The following RAD51B variants were observed in gnomAD, a reference collection of about 807,000 sequenced individuals.
RAD51B encodes the protein DNA repair protein RAD51 homolog 2.
A neutral mutation model predicts 42.2 loss-of-function variants in RAD51B; 38 were observed. That is an observed-to-expected ratio of 0.90 (90% CI 0.70 to 1.18). The LOEUF is 1.18. Among genes scored for constraint, RAD51B ranks in the 50% most tolerant of loss-of-function variants. RAD51B has a pLI of 0.00. For synonymous variants in RAD51B, 154 were observed against 145.2 expected, an observed-to-expected ratio of 1.06 and a Z score of -0.43; for missense variants, 373 against 400.7, an observed-to-expected ratio of 0.93 and a Z score of 0.59.
intron 9 of RAD51B, among the ~76,000 whole-genome samples, chr14:68,430,729 G>A (rs2084980885): frequency 6.6e-6 from 1 of 151,958 alleles, no homozygotes; most frequent in Non-Finnish European, 1.5e-5. Context: ...TTTCCTAATT[G>A]AATACCCTTT....
chr14:68,242,626 T>G (rs1465309157), intron 7 of RAD51B, among the ~76,000 whole-genome samples: 1 of 152,200 alleles, frequency 6.6e-6, no homozygotes, highest in Non-Finnish European at 1.5e-5. Context: ...TGCTAAGTGT[T>G]TAAAACTGTG....
chr14:68,175,659 A>C (rs2078949567), intron 7 of RAD51B, among the ~76,000 whole-genome samples: 1 of 152,194 alleles, frequency 6.6e-6, no homozygotes, highest in Non-Finnish European at 1.5e-5. Flanking sequence ...AAGTTGAATT[A>C]TGGTGTCCGT....
At chr14:68,091,836 A>G (rs1193545068) in intron 7 of RAD51B, among the ~76,000 whole-genome samples, 2 of 152,140 alleles carry the variant, frequency 1.3e-5, no homozygotes, top group East Asian at 3.9e-4. Flanking sequence ...TTTTAGGTCT[A>G]ACATGTAAGT....
intron 10 of RAD51B, among the ~76,000 whole-genome samples, chr14:68,487,801 C>A (rs1883747673): frequency 6.6e-6 from 1 of 152,184 alleles, no homozygotes; most frequent in Non-Finnish European, 1.5e-5. Flanking sequence ...AGCCACCATG[C>A]CTGCTCATTA....
rs1892882930 is a variant in RAD51B at position 68,659,158 on chromosome 14, C to A, written c.*11+8302C>A. On this transcript the variant is annotated intron_variant, in intron 11 of 11. Transcript: ENST00000488612. ...TGCTAATCTGCACCCCTCCTCTCCA[C>A]CCACGGAGCCTTTTCCTCCAGGCCA... Among the ~76,000 whole-genome samples the A allele has an allele frequency of 3.3e-5, 5 of 152,364 alleles. No homozygotes were observed. In the South Asian group the frequency reaches 1.0e-3, roughly 32 times the overall value.
intron 10 of RAD51B, among the ~76,000 whole-genome samples, chr14:68,496,125 A>G (rs541022923): frequency 1.3e-5 from 2 of 152,338 alleles, no homozygotes; most frequent in African/African-American, 4.8e-5. Context: ...TGATGTGTCC[A>G]TCCCTCTTTG....
At chr14:67,899,014 G>A (rs2043516678) in intron 7 of RAD51B, among the ~76,000 whole-genome samples, 1 of 151,836 alleles carries the variant, frequency 6.6e-6, no homozygotes, top group African/African-American at 2.4e-5. Flanking sequence ...AAATATTCTT[G>A]TTGATTTTAC....
At chr14:68,639,279 A>C (rs1456033707) in intron 10 of RAD51B, among the ~76,000 whole-genome samples, 1 of 152,202 alleles carries the variant, frequency 6.6e-6, no homozygotes. Flanking sequence ...TTCTGGAGTA[A>C]TTCAAGAATC....
chr14:68,609,485 G>A (rs748106985), intron 10 of RAD51B, among the ~76,000 whole-genome samples: 1 of 151,956 alleles, frequency 6.6e-6, no homozygotes, highest in Non-Finnish European at 1.5e-5. Context: ...TCCTTCCCTC[G>A]AGAGCAGAGG....
intron 7 of RAD51B, among the ~76,000 whole-genome samples, chr14:68,250,005 A>G (rs1019104452): frequency 6.6e-6 from 1 of 152,210 alleles, no homozygotes; most frequent in African/African-American, 2.4e-5. Context: ...ATTCCAAAGC[A>G]GGACTCAAAT....
chr14:68,518,056 C>A (rs1448591921), intron 10 of RAD51B, among the ~76,000 whole-genome samples: 1 of 152,124 alleles, frequency 6.6e-6, no homozygotes, highest in Non-Finnish European at 1.5e-5. Flanking sequence ...AAAGTTCTCA[C>A]GTTGGCAGTA....
At chr14:68,113,507 A>T (rs767813925) in intron 7 of RAD51B, among the ~76,000 whole-genome samples, 1 of 152,178 alleles carries the variant, frequency 6.6e-6, no homozygotes, top group African/African-American at 2.4e-5. Flanking sequence ...CATACCAGGC[A>T]TTCCTACAAA....
In RAD51B at chr14:68,005,753, G is replaced by A. The variant is rs77449363; in HGVS notation, c.756+118549G>A. On this transcript the variant is annotated intron_variant, in intron 7 of 10. Transcript: ENST00000471583. ...TTGGTGAAGTGATGTATTGCTTCTC[G>A]ACATGCTATAAAGAAATACCTAATA... Among the ~76,000 whole-genome samples, 1,385 of 152,082 alleles carry A rather than the reference G, an allele frequency of 9.1e-3. 23 individuals are homozygous for A. Among genetic ancestry groups the A allele is most frequent in the African/African-American group, 0.031 (1,302 of 41,466 alleles).
At chr14:68,421,942 T>C (rs10747299) in intron 9 of RAD51B, 1,142,149 of 1,552,532 alleles carry the variant, frequency 0.74, 424,388 homozygotes, top group East Asian at 0.97. Flanking sequence ...AAGTTCTCAT[T>C]TTCAAATTTC....
chr14:68,294,493 C>A (rs543788850), intron 8 of RAD51B, among the ~76,000 whole-genome samples: 1 of 152,312 alleles, frequency 6.6e-6, no homozygotes, highest in South Asian at 2.1e-4. Context: ...ATAAATTGCT[C>A]TGTTTTGCTT....
At chr14:68,330,918 T>G (rs1037888645) in intron 8 of RAD51B, among the ~76,000 whole-genome samples, 3 of 152,128 alleles carry the variant, frequency 2.0e-5, no homozygotes, top group Non-Finnish European at 4.4e-5. Context: ...TAATGTCAGC[T>G]CTAGTATGTA....
chr14:67,847,773 G>A (rs968048410), intron 4 of RAD51B, among the ~76,000 whole-genome samples: 4 of 151,708 alleles, frequency 2.6e-5, no homozygotes, highest in South Asian at 2.1e-4. Context: ...TGTGTGGATC[G>A]TTCTATAGAT....
At chr14:68,423,330 C>T (rs890946462) in intron 9 of RAD51B, among the ~76,000 whole-genome samples, 19 of 152,168 alleles carry the variant, frequency 1.2e-4, no homozygotes, top group Admixed American at 3.3e-4. Context: ...AAAGCCCCAG[C>T]GGCCCTGGCT....
intron 7 of RAD51B, among the ~76,000 whole-genome samples, chr14:68,120,016 T>C (rs903030091): frequency 4.6e-5 from 7 of 152,212 alleles, no homozygotes; most frequent in Non-Finnish European, 1.0e-4. Flanking sequence ...TCATTCTAAC[T>C]GGTGTGAGCT....
Sources: gnomAD v4.1 joint callset for allele counts (sites outside exome capture counted in the v4.1 genomes callset) on GRCh38, gnomAD v4.1.1 for gene constraint, MANE v1.5 for transcripts, NCBI Gene and HGNC (gene_info 2026-07-23, HGNC 2026-07-21) for gene names.